The following FARS2 variants were observed in gnomAD, a reference collection of about 807,000 sequenced individuals.
FARS2 encodes phenylalanine--tRNA ligase, mitochondrial.
In FARS2, 40 loss-of-function variants were observed where a neutral mutation model predicts 46.4. The observed-to-expected ratio is 0.86, with a 90% CI of 0.67 to 1.12. FARS2 has a LOEUF of 1.12. FARS2 is among the 50% of genes most tolerant of loss of function. The pLI is 0.00. For synonymous variants in FARS2, 234 were observed against 214.9 expected (o/e 1.09, Z -0.78); for missense variants, 513 against 567.9 (o/e 0.90, Z 0.98).
chr6:5,521,542 C>T (rs1446934476), intron 4 of FARS2, among the ~76,000 whole-genome samples: 1 of 152,148 alleles, frequency 6.6e-6, no homozygotes, highest in Non-Finnish European at 1.5e-5. Context: ...ACCAGAGTTA[C>T]CTCTGTTTTC....
chr6:5,631,569 G>C (rs1582630313), intron 6 of FARS2, among the ~76,000 whole-genome samples: 2 of 152,222 alleles, frequency 1.3e-5, no homozygotes, highest in East Asian at 3.8e-4. Context: ...AGGCAGGTGT[G>C]CTCCTGCATC....
At chr6:5,584,828 A>T (rs1032317788) in intron 5 of FARS2, among the ~76,000 whole-genome samples, 2 of 152,198 alleles carry the variant, frequency 1.3e-5, no homozygotes, top group African/African-American at 4.8e-5. Flanking sequence ...GCATAATTAG[A>T]AACCAGAGGC....
intron 2 of FARS2, among the ~76,000 whole-genome samples, chr6:5,396,322 G>A (rs968970122): frequency 9.9e-5 from 15 of 152,098 alleles, no homozygotes; most frequent in African/African-American, 2.4e-4. Flanking sequence ...TAATTTCACC[G>A]TTATATATTG....
intron 6 of FARS2, among the ~76,000 whole-genome samples, chr6:5,663,774 A>G (rs1777965353): frequency 6.6e-6 from 1 of 152,228 alleles, no homozygotes; most frequent in African/African-American, 2.4e-5. Flanking sequence ...AGAACAAGGA[A>G]GATGTCTTTG....
At chr6:5,302,120 C>T (rs1446741293) in intron 1 of FARS2, among the ~76,000 whole-genome samples, 1 of 152,232 alleles carries the variant, frequency 6.6e-6, no homozygotes, top group Non-Finnish European at 1.5e-5. Flanking sequence ...AACACTTCTA[C>T]TTCAGAACTT....
chr6:5,617,716 ATGGTGCGGACT>A (rs1214915818), intron 6 of FARS2, among the ~76,000 whole-genome samples: 1 of 152,198 alleles, frequency 6.6e-6, no homozygotes, highest in Non-Finnish European at 1.5e-5. Context: ...ATTTTGGGCC[ATGGTGCGGACT>A]TGGCAATGGA....
intron 5 of FARS2, among the ~76,000 whole-genome samples, chr6:5,584,384 G>A (rs1773504725): frequency 6.6e-6 from 1 of 152,062 alleles, no homozygotes; most frequent in Non-Finnish European, 1.5e-5. Flanking sequence ...CCCACCATCA[G>A]AACAAACAAG....
chr6:5,437,037 C>A (rs1460581400), intron 4 of FARS2, among the ~76,000 whole-genome samples: 1 of 152,150 alleles, frequency 6.6e-6, no homozygotes, highest in Non-Finnish European at 1.5e-5. Flanking sequence ...CCAACTGTTT[C>A]TCATGCCCTT....
At chr6:5,374,267 T>G (rs1759239465) in intron 2 of FARS2, among the ~76,000 whole-genome samples, 1 of 152,042 alleles carries the variant, frequency 6.6e-6, no homozygotes. Flanking sequence ...GGGAAAAGAC[T>G]GAAGGAAAAC....
At chr6:5,276,779 T>C (rs1766366574) in intron 1 of FARS2, among the ~76,000 whole-genome samples, 1 of 152,200 alleles carries the variant, frequency 6.6e-6, no homozygotes, top group African/African-American at 2.4e-5. Context: ...ATTAGCTGGC[T>C]GTACTAAGCC....
chr6:5,528,063 C>T (rs1027197337), intron 4 of FARS2, among the ~76,000 whole-genome samples: 13 of 152,120 alleles, frequency 8.5e-5, no homozygotes, highest in Admixed American at 1.3e-4. Flanking sequence ...ATAACTATTC[C>T]CTTTACGTTT....
intron 4 of FARS2, among the ~76,000 whole-genome samples, chr6:5,532,564 A>G (rs1769909610): frequency 6.6e-6 from 1 of 152,170 alleles, no homozygotes; most frequent in Admixed American, 6.6e-5. Context: ...AGCCTGGCCA[A>G]CATAGTGAAA....
At chr6:5,351,031 A>G (rs1371150013) in intron 1 of FARS2, among the ~76,000 whole-genome samples, 2 of 152,220 alleles carry the variant, frequency 1.3e-5, no homozygotes, top group Non-Finnish European at 2.9e-5. Context: ...GCACATGTCT[A>G]GATATAAATA....
intron 6 of FARS2, among the ~76,000 whole-genome samples, chr6:5,666,570 G>A (rs1241979792): frequency 6.6e-6 from 1 of 152,166 alleles, no homozygotes; most frequent in African/African-American, 2.4e-5. Flanking sequence ...GCTAGACACT[G>A]GAGGCAAAGA....
intron 1 of FARS2, 115 bp from the exon 2 acceptor site, chr6:5,368,435 G>A (rs778616808): frequency 5.4e-5 from 45 of 840,960 alleles, no homozygotes; most frequent in Non-Finnish European, 7.4e-5. Flanking sequence ...TGTGGAGGTC[G>A]TAGTGGGGGA....
At chr6:5,441,907 G>A (rs560060187) in intron 4 of FARS2, among the ~76,000 whole-genome samples, 2 of 152,202 alleles carry the variant, frequency 1.3e-5, no homozygotes, top group South Asian at 2.1e-4. Context: ...AACACTTGAC[G>A]TTGTTCAACT....
intron 5 of FARS2, among the ~76,000 whole-genome samples, chr6:5,557,448 G>A (rs1771727231): frequency 6.6e-6 from 1 of 152,126 alleles, no homozygotes; most frequent in Non-Finnish European, 1.5e-5. Flanking sequence ...TTTTCTGGGA[G>A]ACCTCAGCAG....
intron 6 of FARS2, among the ~76,000 whole-genome samples, chr6:5,674,560 A>G (rs902853796): frequency 2.6e-5 from 4 of 152,172 alleles, no homozygotes; most frequent in Non-Finnish European, 2.9e-5. Context: ...ATGATTTGCT[A>G]TTTGTATTTT....
At chr6:5,476,502 G>A (rs1019883036) in intron 4 of FARS2, among the ~76,000 whole-genome samples, 5 of 152,144 alleles carry the variant, frequency 3.3e-5, no homozygotes, top group South Asian at 4.2e-4. Flanking sequence ...TGTGTGAAGA[G>A]TATCGGTAGG....
Sources: gnomAD v4.1 joint callset for allele counts (sites outside exome capture counted in the v4.1 genomes callset) on GRCh38, gnomAD v4.1.1 for gene constraint, MANE v1.5 for transcripts, NCBI Gene and HGNC (gene_info 2026-07-23, HGNC 2026-07-21) for gene names.